DAB1: variants seen among roughly 807,000 people sequenced by gnomAD.
DAB1 encodes the protein disabled homolog 1.
In DAB1, 15 loss-of-function variants were observed where a neutral mutation model predicts 64.6. The ratio of observed to expected loss-of-function variants is 0.23; its 90% CI spans 0.16 to 0.36. The LOEUF is 0.36. Ranked by LOEUF, DAB1 falls within the 10% of genes least tolerant of loss-of-function variation. The probability of loss-of-function intolerance (pLI) is 1.00; values close to 1 mark genes in which losing one functional copy is unlikely to be tolerated. For missense variants in DAB1, 596 were observed against 706.7 expected (o/e 0.84, Z 1.78); for synonymous variants, 235 against 251.9 (o/e 0.93, Z 0.64).
At chr1:57,251,418 C>T (rs1669332250) in intron 2 of DAB1, among the ~76,000 whole-genome samples, 1 of 152,146 alleles carries the variant, frequency 6.6e-6, no homozygotes, top group Non-Finnish European at 1.5e-5. Context: ...ATCTTATAGG[C>T]AGATAAGTCT....
intron 4 of DAB1, among the ~76,000 whole-genome samples, chr1:58,327,774 C>A (rs928624417): frequency 2.6e-5 from 4 of 152,158 alleles, no homozygotes; most frequent in Non-Finnish European, 5.9e-5. Flanking sequence ...GCCTGGCCAA[C>A]ATAGTGAAAC....
chr1:58,223,180 A>G (rs986980502), intron 4 of DAB1, among the ~76,000 whole-genome samples: 2 of 152,238 alleles, frequency 1.3e-5, no homozygotes, highest in African/African-American at 4.8e-5. Context: ...CAGAGCACAG[A>G]GAATAAGTAT....
intron 6 of DAB1, among the ~76,000 whole-genome samples, chr1:57,809,747 T>C (rs992364609): frequency 3.9e-5 from 6 of 152,084 alleles, no homozygotes; most frequent in African/African-American, 1.2e-4. Flanking sequence ...AACAAAAATC[T>C]ACGATCACGC....
chr1:57,264,074 C>A (rs1005896384), intron 2 of DAB1, among the ~76,000 whole-genome samples: 1 of 152,168 alleles, frequency 6.6e-6, no homozygotes, highest in African/African-American at 2.4e-5. Context: ...TCATGCTATA[C>A]TCTTGACTTT....
intron 7 of DAB1, among the ~76,000 whole-genome samples, chr1:57,565,180 A>G (rs1645102794): frequency 6.6e-6 from 1 of 152,226 alleles, no homozygotes; most frequent in Non-Finnish European, 1.5e-5. Flanking sequence ...ACTAAGCTTC[A>G]TAAGTGAAGG....
At chr1:57,558,369 T>C (rs1645014174) in intron 7 of DAB1, among the ~76,000 whole-genome samples, 1 of 152,154 alleles carries the variant, frequency 6.6e-6, no homozygotes, top group Non-Finnish European at 1.5e-5. Context: ...ACAACATCCC[T>C]GTTTGCTTCC....
intron 2 of DAB1, among the ~76,000 whole-genome samples, chr1:57,190,908 C>A (rs914879027): frequency 1.3e-5 from 2 of 152,148 alleles, no homozygotes; most frequent in Non-Finnish European, 2.9e-5. Context: ...GTACAAAGGA[C>A]TTCTGATCTA....
At chr1:58,295,122 T>A (rs553639866) in intron 4 of DAB1, among the ~76,000 whole-genome samples, 31 of 151,996 alleles carry the variant, frequency 2.0e-4, no homozygotes, top group Non-Finnish European at 2.8e-4. Context: ...TCTCCAAGAT[T>A]TGGTATTGTG....
In DAB1 at chr1:58,111,083, G is replaced by T. The variant is rs9436581; in HGVS notation, n.387+39428C>A. ...CTTTCTTTGTGCAGTGGGTGGAGGT[G>T]TATGTTATTTGTAGTCAAGACCATA... On this transcript the variant is annotated intron_variant and non_coding_transcript_variant, in intron 5 of 20. Transcript: ENST00000485760. 2.6e-3 allele frequency among the ~76,000 whole-genome samples: 395 copies of T among 152,322 alleles called. 2 individuals carry two copies. Among genetic ancestry groups the T allele is most frequent in the African/African-American group, 8.9e-3 (372 of 41,586 alleles).
intron 5 of DAB1, among the ~76,000 whole-genome samples, chr1:58,052,836 GCTCT>G (rs1647773957): frequency 6.6e-6 from 1 of 152,016 alleles, no homozygotes; most frequent in Non-Finnish European, 1.5e-5. Context: ...TTATGATTTG[GCTCT>G]CTGTTTGTTG....
In DAB1 at chr1:58,301,377, A is replaced by G. The variant is rs531725353; in HGVS notation, n.309+41975T>C. Among the ~76,000 whole-genome samples, 9 of 152,324 alleles carry G rather than the reference A, an allele frequency of 5.9e-5. No individual in the cohort carries two copies. The South Asian group carries it at 1.5e-3, about 25-fold the overall frequency. ...GAATCCATGAGACTTCTGGATTACT[A>G]TAGAGCAAACTTGTCCAATCCACAG... On this transcript the variant is annotated intron_variant and non_coding_transcript_variant, in intron 4 of 20. Coordinates refer to the DAB1 transcript ENST00000485760.
At chr1:57,564,612 T>C (rs2805867) in intron 7 of DAB1, among the ~76,000 whole-genome samples, 144,970 of 152,278 alleles carry the variant, frequency 0.95, 69,413 homozygotes, top group South Asian at 1. Context: ...CTGAAAACCA[T>C]GGCACGAGAA....
intron 7 of DAB1, among the ~76,000 whole-genome samples, chr1:57,475,309 A>C (rs142216521): frequency 1.3e-5 from 2 of 152,162 alleles, no homozygotes; most frequent in African/African-American, 4.8e-5. Context: ...AACAACAATA[A>C]AAGACATCAG....
chr1:58,220,907 T>C (rs985973883), intron 4 of DAB1, among the ~76,000 whole-genome samples: 1 of 151,374 alleles, frequency 6.6e-6, no homozygotes, highest in Non-Finnish European at 1.5e-5. Context: ...ATATTATCAA[T>C]GTGAATACAT....
intron 5 of DAB1, among the ~76,000 whole-genome samples, chr1:58,046,632 T>C (rs188260127): frequency 6.6e-6 from 1 of 152,290 alleles, no homozygotes; most frequent in African/African-American, 2.4e-5. Flanking sequence ...CTAGAACTTG[T>C]TTTACAATTT....
intron 5 of DAB1, among the ~76,000 whole-genome samples, chr1:58,076,492 G>T (rs778499460): frequency 6.6e-6 from 1 of 152,164 alleles, no homozygotes; most frequent in Non-Finnish European, 1.5e-5. Flanking sequence ...CTAGAAGAGT[G>T]TTAAAAGAAA....
At chr1:57,574,494 A>G (rs1645227699) in intron 7 of DAB1, among the ~76,000 whole-genome samples, 1 of 152,222 alleles carries the variant, frequency 6.6e-6, no homozygotes, top group African/African-American at 2.4e-5. Flanking sequence ...AGAGAAAAGT[A>G]ACTTCAAAGT....
At chr1:58,313,971 G>T (rs564215348) in intron 4 of DAB1, among the ~76,000 whole-genome samples, 19 of 152,032 alleles carry the variant, frequency 1.2e-4, no homozygotes, top group Admixed American at 9.2e-4. Flanking sequence ...ATATGAATTT[G>T]GTGGGTACCC....
chr1:58,501,739 C>T lies in DAB1; in HGVS notation n.257+4321G>A, dbSNP rs183224272. 5.5e-3 allele frequency among the ~76,000 whole-genome samples: 837 copies of T among 152,272 alleles called. 5 individuals are homozygous for T. The highest frequency in any genetic ancestry group is 8.1e-3 in the Non-Finnish European group (548 of 68,020). On this transcript the variant is annotated intron_variant and non_coding_transcript_variant, in intron 3 of 20. Coordinates refer to the DAB1 transcript ENST00000485760. Reference sequence around the variant, plus strand: ...ATCTCTGCTCACACATAACTGTGTGCTAAGGACTCATGTGTTCCTCTAAAA... The same window carrying T: ...ATCTCTGCTCACACATAACTGTGTGTTAAGGACTCATGTGTTCCTCTAAAA...
Sources: allele counts gnomAD v4.1 joint callset (sites outside exome capture counted in the v4.1 genomes callset), GRCh38; gene constraint gnomAD v4.1.1; transcripts MANE v1.5; gene names NCBI Gene and HGNC (gene_info 2026-07-23, HGNC 2026-07-21).